Variants in TCF20 observed in about 807,000 individuals in gnomAD.
TCF20 encodes SPRE-binding protein.
In TCF20, 3 loss-of-function variants were observed where a neutral mutation model predicts 148.6. The observed-to-expected ratio is 0.02, with a 90% confidence interval of 0.01 to 0.05. TCF20 has a LOEUF of 0.05. TCF20 is among the 10% of genes least tolerant of loss of function. The probability of loss-of-function intolerance (pLI) is 1.00; values close to 1 mark genes in which losing one functional copy is unlikely to be tolerated. For synonymous variants in TCF20, 1,049 were observed against 909.5 expected, an observed-to-expected ratio of 1.15 and a Z score of -2.76; for missense variants, 2,350 against 2,429.3, an observed-to-expected ratio of 0.97 and a Z score of 0.69.
At chr22:42,252,282 CAAA>C (rs892854304) in intron 1 of TCF20, among the ~76,000 whole-genome samples, 1 of 127,838 alleles carries the variant, frequency 7.8e-6, no homozygotes, top group Non-Finnish European at 1.7e-5. Flanking sequence ...AAGTCCATCT[CAAA>C]AAAAAAAAGA....
At chr22:42,166,609 C>CAAA (rs545755110) in intron 5 of TCF20, among the ~76,000 whole-genome samples, 6 of 70,482 alleles carry the variant, frequency 8.5e-5, no homozygotes, top group African/African-American at 2.6e-4. Flanking sequence ...AATCCGTCTC[C>CAAA]AAAAAAAAAA....
intron 1 of TCF20, among the ~76,000 whole-genome samples, chr22:42,269,088 A>C (rs1357775434): frequency 6.6e-6 from 1 of 152,218 alleles, no homozygotes; most frequent in African/African-American, 2.4e-5. Context: ...CAAAGCTGTA[A>C]GCAGATTCCT....
At chr22:42,226,392 T>C (rs182559648) in intron 1 of TCF20, among the ~76,000 whole-genome samples, 9 of 152,384 alleles carry the variant, frequency 5.9e-5, no homozygotes, top group Admixed American at 5.9e-4. Context: ...GGATGTTCCA[T>C]TTTATAATTC....
At chr22:42,225,821 CCA>C (rs1158734882) in intron 1 of TCF20, among the ~76,000 whole-genome samples, 1 of 152,102 alleles carries the variant, frequency 6.6e-6, no homozygotes, top group Admixed American at 6.5e-5. Flanking sequence ...GGTGCCAATG[CCA>C]CACACAGGGT....
intron 1 of TCF20, among the ~76,000 whole-genome samples, chr22:42,242,551 C>A (rs547121505): frequency 3.9e-5 from 6 of 152,012 alleles, no homozygotes; most frequent in Admixed American, 1.3e-4. Flanking sequence ...ACGTGAGGAG[C>A]TCAAAGTCAA....
chr22:42,212,173 G>C lies in TCF20; in HGVS notation c.3133C>G (p.Arg1045Gly), dbSNP rs949181115. 1.2e-6 allele frequency: 2 copies of C among 1,614,192 alleles called. No homozygotes were observed. The highest frequency in any genetic ancestry group is 1.7e-6 in the Non-Finnish European group (2 of 1,180,046). ...GAAAAGGGAGTGTGTAAAGAACTCC[G>C]GTTAGCCCTCTCTGAAAAGGTCATG... ...PHMTFSERAN[R>G]SSLHTPFSPN... is the part of the protein sequence containing the mutation. Residue 1045 changes from arginine (R) to glycine (G), a missense_variant, in exon 2 of 6, where the codon CGG becomes GGG. Around this residue, in one of 7 missense-constraint regions of TCF20, gnomAD observed 1,641 missense variants for 1,662.6 expected, o/e 0.99. Transcript: ENST00000677622.
intron 1 of TCF20, among the ~76,000 whole-genome samples, chr22:42,230,066 C>T (rs1279649107): frequency 1.3e-5 from 2 of 152,238 alleles, no homozygotes; most frequent in African/African-American, 4.8e-5. Context: ...TATTTTAAAA[C>T]CTTCACTGGC....
At chr22:42,295,278 C>T (rs1472754630) in intron 1 of TCF20, among the ~76,000 whole-genome samples, 6 of 152,058 alleles carry the variant, frequency 3.9e-5, no homozygotes, top group South Asian at 2.1e-4. Context: ...TGCAGCCTCC[C>T]CACCCTCTGT....
At chr22:42,208,604 A>G (rs911731249) in intron 2 of TCF20, among the ~76,000 whole-genome samples, 1 of 152,208 alleles carries the variant, frequency 6.6e-6, no homozygotes, top group Non-Finnish European at 1.5e-5. Flanking sequence ...AAACAAAACA[A>G]AACAAAACCA....
At chr22:42,207,472 G>A (rs573756044) in intron 2 of TCF20, among the ~76,000 whole-genome samples, 19 of 152,126 alleles carry the variant, frequency 1.2e-4, no homozygotes, top group African/African-American at 3.9e-4. Flanking sequence ...GGCCCATACT[G>A]TAACAGAGAG....
At chr22:42,339,310 A>C (rs993426271) in intron 1 of TCF20, among the ~76,000 whole-genome samples, 1 of 152,224 alleles carries the variant, frequency 6.6e-6, no homozygotes, top group African/African-American at 2.4e-5. Context: ...GATATATCCA[A>C]GGCCACACAG....
At chr22:42,221,478 G>A (rs1922350652) in intron 1 of TCF20, among the ~76,000 whole-genome samples, 1 of 152,082 alleles carries the variant, frequency 6.6e-6, no homozygotes, top group Admixed American at 6.5e-5. Flanking sequence ...CTCATTCCTA[G>A]GATTTCAGAG....
upstream of TCF20, among the ~76,000 whole-genome samples, chr22:42,288,134 C>T (rs541812080): frequency 4.6e-5 from 7 of 152,294 alleles, no homozygotes; most frequent in South Asian, 1.4e-3. Context: ...GTGGCTCACT[C>T]CTGTAATCCC....
At chr22:42,258,135 T>C (rs1264290868) in intron 1 of TCF20, among the ~76,000 whole-genome samples, 1 of 152,196 alleles carries the variant, frequency 6.6e-6, no homozygotes, top group Non-Finnish European at 1.5e-5. Flanking sequence ...TCCCAGGAAG[T>C]AGAAAGCTCA....
At chr22:42,275,611 T>C (rs545221485), upstream of TCF20, among the ~76,000 whole-genome samples, 39 of 152,280 alleles carry the variant, frequency 2.6e-4, no homozygotes, top group African/African-American at 9.1e-4. Context: ...GTCGGCGCCC[T>C]TACCTGAGTG....
intron 2 of TCF20, among the ~76,000 whole-genome samples, chr22:42,182,448 C>T (rs545396611): frequency 1.3e-5 from 2 of 152,334 alleles, no homozygotes; most frequent in East Asian, 3.9e-4. Flanking sequence ...AGCAACCACA[C>T]AGCAGGCCTC....
intron 2 of TCF20, among the ~76,000 whole-genome samples, chr22:42,179,916 A>C (rs566156840): frequency 4.4e-4 from 67 of 152,138 alleles, no homozygotes; most frequent in Admixed American, 3.7e-3. Context: ...AGCCTCACAA[A>C]TGTTCTCAAA....
At chr22:42,168,975 G>A (rs541059330) in intron 4 of TCF20, among the ~76,000 whole-genome samples, 15 of 152,140 alleles carry the variant, frequency 9.9e-5, no homozygotes, top group Non-Finnish European at 1.9e-4. Context: ...ATAAGATCCT[G>A]TGACCACTCC....
At chr22:42,247,165 C>T (rs1445627237) in intron 1 of TCF20, among the ~76,000 whole-genome samples, 3 of 151,734 alleles carry the variant, frequency 2.0e-5, no homozygotes, top group East Asian at 1.9e-4. Context: ...ACAGGCTGCA[C>T]GCGGTGGCTC....
Sources: allele counts gnomAD v4.1 joint callset (sites outside exome capture counted in the v4.1 genomes callset), GRCh38; gene constraint gnomAD v4.1.1; regional missense constraint gnomAD v4.1.1; transcripts MANE v1.5; gene names NCBI Gene and HGNC (gene_info 2026-07-23, HGNC 2026-07-21).